The following RNF220 variants were observed in gnomAD, a reference collection of about 807,000 sequenced individuals.
RNF220 encodes the protein ring finger protein 220.
Under a neutral mutation model 67.1 loss-of-function variants are expected in RNF220, and 7 were observed. The observed-to-expected ratio is 0.10, with a 90% CI of 0.06 to 0.20. RNF220 has a LOEUF of 0.20. Among genes scored for constraint, RNF220 ranks in the 10% least tolerant of loss-of-function variants. RNF220 has a pLI of 1.00. For synonymous variants in RNF220, 270 were observed against 283.2 expected (o/e 0.95, Z 0.47); for missense variants, 565 against 740.3 (o/e 0.76, Z 2.75).
chr1:44,411,410 G>T (rs552879213), intron 1 of RNF220, among the ~76,000 whole-genome samples: 1 of 152,302 alleles, frequency 6.6e-6, no homozygotes, highest in African/African-American at 2.4e-5. Flanking sequence ...GTGTGTATAT[G>T]CCAATGTGTA....
At chr1:44,580,030 C>CAAAAAAAAAAAAAAAAAAAAAA (rs61499825) in intron 2 of RNF220, among the ~76,000 whole-genome samples, 37 of 65,244 alleles carry the variant, frequency 5.7e-4, no homozygotes, top group Non-Finnish European at 7.9e-4. Context: ...CCCTGTCTCA[C>CAAAAAAAAAAAAAAAAAAAAAA]AAAAAAAAAA....
At position 44,412,233 on chromosome 1, in the gene RNF220, C is replaced by G. The variant is rs1648037488; in HGVS notation, c.136C>G (p.Arg46Gly). The G allele has an allele frequency of 5.0e-6, 8 of 1,614,092 alleles. No homozygotes were observed. The highest frequency in any genetic ancestry group is 6.8e-6 in the Non-Finnish European group (8 of 1,180,046). ...TGCTTCCATCCCTTGTCAGCAGCCA[C>G]GACCCTTTGGTGTACCTGTCTCAGT... ...RDASIPCQQP[R>G]PFGVPVSVDK... The change falls in exon 2 of 15, where the codon CGA becomes GGA. Residue 46 changes from arginine to glycine, a missense_variant. By Grantham distance (125) the Arg-to-Gly change is moderately radical (BLOSUM62 -2). Coordinates refer to ENST00000361799, the MANE Select transcript of RNF220 (RefSeq NM_018150.4). This position sits in a 1 kb window ranked among gnomAD's most constrained non-coding sequence, Gnocchi z 5.3.
chr1:44,542,808 G>A (rs974319246), intron 2 of RNF220, among the ~76,000 whole-genome samples: 4 of 152,224 alleles, frequency 2.6e-5, no homozygotes, highest in African/African-American at 9.6e-5. Context: ...TTCTCCTGTA[G>A]CAAATTGGGC....
At chr1:44,515,913 C>T (rs1659417472) in intron 2 of RNF220, among the ~76,000 whole-genome samples, 1 of 152,170 alleles carries the variant, frequency 6.6e-6, no homozygotes. Context: ...TTCACCCGGA[C>T]CTGAAATAAA....
At chr1:44,487,239 G>A (rs1410140983) in intron 2 of RNF220, among the ~76,000 whole-genome samples, 1 of 152,142 alleles carries the variant, frequency 6.6e-6, no homozygotes, top group Non-Finnish European at 1.5e-5. Context: ...AGGGGCTGAA[G>A]CAGGAGAATC....
chr1:44,552,083 G>A (rs940435424), intron 2 of RNF220, among the ~76,000 whole-genome samples: 6 of 152,198 alleles, frequency 3.9e-5, no homozygotes. Context: ...GAGTATAGAG[G>A]CTACTTGGTT....
intron 2 of RNF220, among the ~76,000 whole-genome samples, chr1:44,495,659 C>T (rs1657280707): frequency 6.6e-6 from 1 of 152,236 alleles, no homozygotes. Context: ...TGGTCTCAAA[C>T]TCCTGACCTT....
intron 3 of RNF220, among the ~76,000 whole-genome samples, chr1:44,617,023 T>A (rs1468829046): frequency 6.6e-6 from 1 of 152,086 alleles, no homozygotes; most frequent in Non-Finnish European, 1.5e-5. Context: ...CCAAGCTCCA[T>A]GCTTCTCACG....
intron 6 of RNF220, chr1:44,632,622 C>G: frequency 3.5e-6 from 2 of 578,746 alleles, no homozygotes; most frequent in Non-Finnish European, 6.1e-6. Flanking sequence ...CTGAAGAACC[C>G]TGGGGGGGCA....
chr1:44,571,140 A>G (rs934885960), intron 2 of RNF220, among the ~76,000 whole-genome samples: 4 of 151,738 alleles, frequency 2.6e-5, no homozygotes, highest in Non-Finnish European at 4.4e-5. Context: ...AGACCTTCCT[A>G]TCACACAGAA....
At position 44,412,474 on chromosome 1, in the gene RNF220, C is replaced by G. The variant is rs1648063175; in HGVS notation, c.377C>G (p.Thr126Ser). 1 of 1,611,312 alleles carries G rather than the reference C, an allele frequency of 6.2e-7. No homozygotes were observed. The change falls in exon 2 of 15, where the codon ACC becomes AGC. Residue 126 changes from threonine to serine, a missense_variant. By Grantham distance (58) the Thr-to-Ser change is moderately conservative. Coordinates refer to ENST00000361799, the MANE Select transcript of RNF220 (RefSeq NM_018150.4). The surrounding 1 kb of genome is among the most constrained non-coding windows in gnomAD (Gnocchi z 5.3). ...GGGGCTTTCCGGCCCTTTGCCTCCA[C>G]CGAGGACCGGGAGAGCTATCAGTCA... ...GVGAFRPFAS[T>S]EDRESYQSAF...
intron 2 of RNF220, among the ~76,000 whole-genome samples, chr1:44,551,362 G>A (rs1362587007): frequency 1.3e-5 from 2 of 151,906 alleles, no homozygotes; most frequent in Admixed American, 6.6e-5. Flanking sequence ...TGATCCACCC[G>A]CCTGAGCCTC....
At chr1:44,543,320 G>A (rs967581691) in intron 2 of RNF220, among the ~76,000 whole-genome samples, 3 of 152,180 alleles carry the variant, frequency 2.0e-5, no homozygotes, top group Non-Finnish European at 4.4e-5. Flanking sequence ...GTTGACATGG[G>A]GCTGGGGGGA....
At chr1:44,416,192 A>G (rs1260767651) in intron 2 of RNF220, among the ~76,000 whole-genome samples, 1 of 152,208 alleles carries the variant, frequency 6.6e-6, no homozygotes, top group African/African-American at 2.4e-5. Context: ...CCATTCATGG[A>G]GGATGCATAA....
chr1:44,605,516 G>A (rs1667213202), intron 2 of RNF220, among the ~76,000 whole-genome samples: 1 of 152,106 alleles, frequency 6.6e-6, no homozygotes, highest in Admixed American at 6.5e-5. Context: ...CTCACTTTGG[G>A]CTATGCATTC....
intron 2 of RNF220, among the ~76,000 whole-genome samples, chr1:44,602,945 C>T (rs1339335138): frequency 6.6e-6 from 1 of 152,112 alleles, no homozygotes; most frequent in Non-Finnish European, 1.5e-5. Flanking sequence ...CGGCTGCCTG[C>T]TCCCTGCCTC....
At chr1:44,597,237 G>T (rs977904116) in intron 2 of RNF220, among the ~76,000 whole-genome samples, 4 of 152,122 alleles carry the variant, frequency 2.6e-5, no homozygotes, top group African/African-American at 9.7e-5. Flanking sequence ...GGAGGCACAG[G>T]AAGGTAAAAG....
At chr1:44,452,693 A>C (rs1446257526) in intron 2 of RNF220, among the ~76,000 whole-genome samples, 1 of 151,894 alleles carries the variant, frequency 6.6e-6, no homozygotes, top group Non-Finnish European at 1.5e-5. Flanking sequence ...CTGGTCTCGA[A>C]CTCCTGACCT....
intron 2 of RNF220, among the ~76,000 whole-genome samples, chr1:44,432,738 C>T (rs539564246): frequency 5.3e-5 from 8 of 152,204 alleles, no homozygotes; most frequent in South Asian, 2.1e-4. Flanking sequence ...CACCACAAAA[C>T]GCTCTGGTCT....
Sources: allele counts gnomAD v4.1 joint callset (sites outside exome capture counted in the v4.1 genomes callset), GRCh38; gene constraint gnomAD v4.1.1; non-coding constraint Gnocchi (gnomAD v3.1); transcripts MANE v1.5; gene names NCBI Gene and HGNC (gene_info 2026-07-23, HGNC 2026-07-21).